Variants in RYR3 observed in about 807,000 individuals in gnomAD.
The protein encoded by RYR3 is brain ryanodine receptor-calcium release channel.
In RYR3, 207 loss-of-function variants were observed where a neutral mutation model predicts 584.3. The ratio of observed to expected loss-of-function variants is 0.35; its 90% CI spans 0.32 to 0.40. The LOEUF (loss-of-function observed/expected upper bound fraction) is 0.40, where lower values mean the gene tolerates loss of function less well. Among genes scored for constraint, RYR3 ranks in the 10% least tolerant of loss-of-function variants. The pLI is 1.00. For missense variants in RYR3, 5,616 were observed against 6,089.2 expected (o/e 0.92, Z 2.59); for synonymous variants, 2,416 against 2,248.5 (o/e 1.07, Z -2.11).
chr15:33,555,957 A>C (rs1194753045), intron 10 of RYR3, among the ~76,000 whole-genome samples: 2 of 152,214 alleles, frequency 1.3e-5, no homozygotes, highest in African/African-American at 2.4e-5. Context: ...CTCAAATTCT[A>C]GATGAGAAAG....
At chr15:33,842,616 C>G in intron 91 of RYR3, among the ~76,000 whole-genome samples, 1 of 152,144 alleles carries the variant, frequency 6.6e-6, no homozygotes, top group Non-Finnish European at 1.5e-5. Context: ...AGCTTCCACT[C>G]CAGTCTGTGG....
intron 52 of RYR3, among the ~76,000 whole-genome samples, chr15:33,744,570 T>C (rs564113471): frequency 2.0e-5 from 3 of 152,280 alleles, no homozygotes; most frequent in Admixed American, 1.3e-4. Context: ...TTAGAACACA[T>C]AGGAGTCCCT....
At chr15:33,693,059 G>C (rs997178862) in intron 38 of RYR3, among the ~76,000 whole-genome samples, 4 of 152,206 alleles carry the variant, frequency 2.6e-5, no homozygotes, top group South Asian at 2.1e-4. Flanking sequence ...GCAGAGAATT[G>C]TTTTGTTAGT....
At chr15:33,865,043 TA>T in intron 103 of RYR3, 87 bp from the exon 104 acceptor site, 2 of 953,250 alleles carry the variant, frequency 2.1e-6, no homozygotes, top group Non-Finnish European at 3.3e-6. Flanking sequence ...TCAGTCTTCC[TA>T]AAGGGAGCCA....
At chr15:33,484,422 C>G (rs2050237477) in intron 2 of RYR3, among the ~76,000 whole-genome samples, 1 of 151,904 alleles carries the variant, frequency 6.6e-6, no homozygotes, top group African/African-American at 2.4e-5. Context: ...GATGGCACTA[C>G]TAGAGAGGGA....
intron 94 of RYR3, 85 bp from the exon 95 acceptor site, chr15:33,852,960 C>T: frequency 8.6e-7 from 1 of 1,156,338 alleles, no homozygotes; most frequent in Non-Finnish European, 1.3e-6. Context: ...GATCCCAGAT[C>T]CAGGCACTCA....
At chr15:33,548,080 T>G (rs778491442) in intron 8 of RYR3, 50 bp from the exon 9 acceptor site, 3 of 1,338,146 alleles carry the variant, frequency 2.2e-6, no homozygotes, top group Middle Eastern at 1.8e-4. Context: ...TTCACCCGGG[T>G]GCTGATCAGT....
intron 32 of RYR3, among the ~76,000 whole-genome samples, chr15:33,655,033 C>T (rs932547746): frequency 2.3e-4 from 35 of 152,164 alleles, no homozygotes; most frequent in Admixed American, 6.5e-4. Flanking sequence ...GCACAGAGGC[C>T]GCCACCTTGT....
At chr15:33,397,428 A>G (rs7175488) in intron 1 of RYR3, among the ~76,000 whole-genome samples, 43,932 of 152,168 alleles carry the variant, frequency 0.29, 8,066 homozygotes, top group East Asian at 0.78. Context: ...CTATGCATCA[A>G]AAGGTCTTTT....
chr15:33,513,199 C>T (rs2053195914), intron 3 of RYR3, among the ~76,000 whole-genome samples: 2 of 152,086 alleles, frequency 1.3e-5, no homozygotes, highest in South Asian at 2.1e-4. Context: ...TAATAAATAC[C>T]TGAGTTTAAA....
Position 33,739,924 on chromosome 15 carries a change from A to G in RYR3, c.7749A>G (p.Thr2583=), listed in dbSNP as rs977035002. ...LPPDYLDTRI[T]ATLEKQISVD... ...CAGATTATTTAGATACCAGAATCAC[A>G]GCCACGTTGGAGAAACAGATCTCAG... is the stretch of plus-strand genomic sequence containing the variant. Residue 2583 remains threonine (T), a synonymous_variant, in exon 51 of 104, where the codon ACA becomes ACG. Transcript: ENST00000634891. The G allele has an allele frequency of 9.9e-6, 16 of 1,613,704 alleles. No homozygotes were observed. The Admixed American group carries it at 1.8e-4, about 18-fold the overall frequency.
chr15:33,748,407 G>A, intron 54 of RYR3, 61 bp from the exon 55 acceptor site: 1 of 1,564,766 alleles, frequency 6.4e-7, no homozygotes, highest in South Asian at 1.1e-5. Flanking sequence ...TGAAGTTGGG[G>A]ATGCCTGATA....
intron 42 of RYR3, among the ~76,000 whole-genome samples, chr15:33,706,422 C>A (rs1179048221): frequency 6.6e-6 from 1 of 152,144 alleles, no homozygotes; most frequent in Non-Finnish European, 1.5e-5. Context: ...TGGCAACCAC[C>A]ATTCTACTTT....
At chr15:33,661,813 A>G (rs766923158) in intron 34 of RYR3, among the ~76,000 whole-genome samples, 8 of 152,192 alleles carry the variant, frequency 5.3e-5, no homozygotes, top group Non-Finnish European at 1.0e-4. Context: ...GAAATGAAAC[A>G]TCTGCTTGAT....
In RYR3 at chr15:33,644,567, G is replaced by A. The variant is rs370234474; in HGVS notation, c.3765+48G>A. ...GCCCTGGCAGGTCAGGTGGGCCAAG[G>A]CCCTAAGCTTGCCCTAAGTCTCCTG... On this transcript the variant is annotated intron_variant, in intron 28 of 103. Coordinates refer to ENST00000634891, the MANE Select transcript of RYR3 (RefSeq NM_001036.6). The A allele has an allele frequency of 8.2e-6, 12 of 1,456,504 alleles. No homozygotes were observed. In the African/African-American group the frequency reaches 1.3e-4, roughly 15 times the overall value. 90.2% of individuals were successfully genotyped at this position (1,456,504 alleles called of 1,614,324 possible).
At chr15:33,579,200 G>C (rs1427685963) in intron 12 of RYR3, among the ~76,000 whole-genome samples, 6 of 152,056 alleles carry the variant, frequency 3.9e-5, no homozygotes, top group African/African-American at 4.8e-5. Flanking sequence ...AAAGGAGGGT[G>C]ATATTCAGAG....
At chr15:33,813,400 C>G (rs1241582588) in intron 73 of RYR3, 67 bp from the exon 74 acceptor site, 8 of 1,378,020 alleles carry the variant, frequency 5.8e-6, no homozygotes, top group Non-Finnish European at 8.3e-6. Flanking sequence ...GTCTGGGCTA[C>G]AGGTGACTAG....
intron 1 of RYR3, among the ~76,000 whole-genome samples, chr15:33,436,951 T>G (rs2045779424): frequency 6.6e-6 from 1 of 152,238 alleles, no homozygotes; most frequent in African/African-American, 2.4e-5. Context: ...TTTAAATATC[T>G]AATCCACTGG....
At chr15:33,456,997 G>C (rs1227561394) in intron 1 of RYR3, among the ~76,000 whole-genome samples, 1 of 152,104 alleles carries the variant, frequency 6.6e-6, no homozygotes, top group Non-Finnish European at 1.5e-5. Context: ...TCGACAAATA[G>C]GTAGCTACCT....
Sources: gnomAD v4.1 joint callset for allele counts (sites outside exome capture counted in the v4.1 genomes callset) on GRCh38, gnomAD v4.1.1 for gene constraint, MANE v1.5 for transcripts, NCBI Gene and HGNC (gene_info 2026-07-23, HGNC 2026-07-21) for gene names.